The following ADAMTS10 variants were observed in gnomAD, a reference collection of about 807,000 sequenced individuals.
The protein encoded by ADAMTS10 is A disintegrin and metalloproteinase with thrombospondin motifs 10.
In ADAMTS10, 48 loss-of-function variants were observed where a neutral mutation model predicts 135.9. That is an observed-to-expected ratio of 0.35 (90% CI 0.28 to 0.45). ADAMTS10 has a LOEUF of 0.45. ADAMTS10 is among the 20% of genes least tolerant of loss of function. The probability of loss-of-function intolerance (pLI) is 1.00; values close to 1 mark genes in which losing one functional copy is unlikely to be tolerated. For synonymous variants in ADAMTS10, 621 were observed against 647.5 expected (o/e 0.96, Z 0.62); for missense variants, 1,131 against 1,565.2 (o/e 0.72, Z 4.68).
Position 8,603,742 on chromosome 19 carries a change from G to A in ADAMTS10, c.578C>T (p.Ala193Val). ...GACCGATGTACCTCTCACTCCACAG[G>A]CTGTGTCCAGGTGGGGGTGACGCAG... The part of the protein sequence containing the change: ...SSLRHPHLDT[A>V]CGVRDEKPWK... The change falls in exon 5 of 26, where the codon GCC (alanine) becomes GTC (valine). Residue 193 changes from alanine to valine, a missense_variant. Ala to Val is a moderately conservative substitution (Grantham distance 64, BLOSUM62 0). Around this residue, in one of 3 missense-constraint regions of ADAMTS10, gnomAD observed 306 missense variants for 344.4 expected, o/e 0.89. Coordinates refer to ENST00000597188, the MANE Select transcript of ADAMTS10 (RefSeq NM_030957.4). 6.2e-7 allele frequency: 1 copy of A among 1,614,104 alleles called. No homozygotes were observed. Among genetic ancestry groups the A allele is most frequent in the Non-Finnish European group, 8.5e-7 (1 of 1,180,004 alleles).
chr19:8,597,240 C>A lies in ADAMTS10; in HGVS notation c.888G>T (p.Glu296Asp). 6.2e-7 allele frequency: 1 copy of A among 1,614,130 alleles called. No homozygotes were observed. Among genetic ancestry groups the A allele is most frequent in the Non-Finnish European group, 8.5e-7 (1 of 1,180,032 alleles). ...GGGAGGAAGTCCCCCGCACCTGGTCCTCCGTGAGCAGGATGAGGCGAGTTA... is the reference window on the plus strand; with the variant it reads ...GGGAGGAAGTCCCCCGCACCTGGTCATCCGTGAGCAGGATGAGGCGAGTTA... ...ILVTRLILLT[E>D]DQPTLEITHH... The change falls in exon 7 of 26, where the codon GAG (glutamate) becomes GAT (aspartate). Residue 296 changes from glutamate to aspartate, a missense_variant. Physicochemically the swap from Glu to Asp is conservative, Grantham distance 45. Coordinates refer to ENST00000597188, the MANE Select transcript of ADAMTS10 (RefSeq NM_030957.4).
rs1195923380 is a variant in ADAMTS10 at position 8,605,183 on chromosome 19, C to T, written c.264G>A (p.Leu88=). ...GACGGGAGCTGCGGGTCAGGTTCAG[C>T]AGGAAGTGGGTGCTGGGCGAGGCCA... ...YKVASPSTHF[L]LNLTRSSRLL... is the part of the protein sequence containing the mutation. Residue 88 remains leucine (L), a synonymous_variant, in exon 4 of 26, where the codon CTG becomes CTA. Transcript: ENST00000597188. This position sits in a 1 kb window ranked among gnomAD's most constrained non-coding sequence, Gnocchi z 7.7. The T allele has an allele frequency of 1.9e-6, 3 of 1,613,932 alleles. No homozygotes were observed. Among genetic ancestry groups the T allele is most frequent in the African/African-American group, 2.7e-5 (2 of 74,936 alleles).
chr19:8,605,343 C>G lies in ADAMTS10; in HGVS notation c.104G>C (p.Ser35Thr). Residue 35 changes from serine to threonine, a missense_variant, in exon 4 of 26, where the codon AGT (serine) becomes ACT (threonine). This residue lies in a region of ADAMTS10 where 306 missense variants were observed against 344.4 expected (regional missense o/e 0.89). Transcript: ENST00000597188. The surrounding 1 kb of genome is among the most constrained non-coding windows in gnomAD (Gnocchi z 7.7). Reference sequence around the variant, plus strand: ...GAAGGCGATCTCATAGCTCTCCAGACTGGACAGGAACTCATCTGTGGGTGA... The same window carrying G: ...GAAGGCGATCTCATAGCTCTCCAGAGTGGACAGGAACTCATCTGTGGGTGA... ...AFRSQDEFLSSLESYEIAFPT... is the reference protein window; with the variant it reads ...AFRSQDEFLSTLESYEIAFPT... 6.2e-7 allele frequency: 1 copy of G among 1,603,138 alleles called. No individual in the cohort carries two copies. The highest frequency in any genetic ancestry group is 8.5e-7 in the Non-Finnish European group (1 of 1,175,084).
chr19:8,597,429 G>C (rs1555740535), intron 6 of ADAMTS10, 112 bp from the exon 7 acceptor site: 9 of 954,242 alleles, frequency 9.4e-6, no homozygotes, highest in Non-Finnish European at 4.9e-6. Context: ...CTGTGTGTCG[G>C]GTCTTAGGCT....
intron 1 of ADAMTS10, among the ~76,000 whole-genome samples, chr19:8,609,455 G>A (rs2042757076): frequency 6.6e-6 from 1 of 152,044 alleles, no homozygotes; most frequent in South Asian, 2.1e-4. Context: ...AAACCTCTCC[G>A]GCCAGGCTGC....
chr19:8,581,130 CTTTTTTTTTTTTTTTTTT>C, intron 25 of ADAMTS10, 128 bp from the exon 26 acceptor site: 1 of 143,920 alleles, frequency 6.9e-6, no homozygotes, highest in Non-Finnish European at 1.2e-5. Context: ...TTTAAATTTA[CTTTTTTTTTTTTTTTTTT>C]TTTTTTTTTT....
intron 15 of ADAMTS10, 148 bp from the exon 16 acceptor site, chr19:8,590,139 C>G (rs191613811): frequency 1.5e-6 from 1 of 659,688 alleles, no homozygotes; most frequent in Non-Finnish European, 2.7e-6. Flanking sequence ...TGAGACTAGG[C>G]CTGGAAGGTA....
At chr19:8,610,015 A>G (rs1171279919) in intron 1 of ADAMTS10, among the ~76,000 whole-genome samples, 2 of 151,900 alleles carry the variant, frequency 1.3e-5, no homozygotes, top group African/African-American at 2.4e-5. Flanking sequence ...AAACACGCGG[A>G]CACACAAATA....
At chr19:8,602,959 G>GT in intron 5 of ADAMTS10, among the ~76,000 whole-genome samples, 1 of 152,168 alleles carries the variant, frequency 6.6e-6, no homozygotes, top group East Asian at 1.9e-4. Context: ...GATTGTGTTG[G>GT]TAAGTATTTT....
intron 17 of ADAMTS10, 35 bp from the exon 18 acceptor site, chr19:8,589,400 A>AAACCACCCCCCCCCCCCCAACCCCC: frequency 6.2e-7 from 1 of 1,605,388 alleles, no homozygotes; most frequent in Non-Finnish European, 8.5e-7. Context: ...GCGACCCCCT[A>AAACCACCCCCCCCCCCCCAACCCCC]ACCCACCCCC....
In ADAMTS10 at chr19:8,585,237, C is replaced by T. The variant is rs896702293; in HGVS notation, c.2937G>A (p.Thr979=). The change falls in exon 24 of 26, where the codon ACG becomes ACA. Residue 979 remains threonine, a synonymous_variant. Transcript: ENST00000597188. ...CGGGTGAGCAGTGCGCCGGGGGCAG[C>T]GTGGCGCGGTGGTCTGCGCTCTTGC... ...VLCKSADHRA[T]LPPAHCSPAA... is the part of the protein sequence containing the mutation. The T allele has an allele frequency of 7.5e-6, 11 of 1,463,254 alleles. No homozygotes were observed. The East Asian group carries it at 2.3e-4, about 31-fold the overall frequency. The allele number at this position is 1,463,254 out of a possible 1,614,324, so 90.6% of individuals were successfully genotyped here. A position where few individuals can be genotyped will look rare whatever the true frequency, so the allele number is the denominator to read the frequency against.
At chr19:8,606,139 C>A (rs1568408271) in intron 2 of ADAMTS10, among the ~76,000 whole-genome samples, 1 of 152,226 alleles carries the variant, frequency 6.6e-6, no homozygotes, top group Non-Finnish European at 1.5e-5. Context: ...TAGCTCACTG[C>A]AGCCTCCACT....
chr19:8,580,719 A>C lies in ADAMTS10; in HGVS notation c.*174T>G, dbSNP rs1419067564. 7 of 599,008 alleles carry C rather than the reference A, an allele frequency of 1.2e-5. No homozygotes were observed. Among genetic ancestry groups the C allele is most frequent in the African/African-American group, 1.9e-5 (1 of 53,590 alleles). 37.1% of individuals were successfully genotyped at this position (599,008 alleles called of 1,614,324 possible). A position where few individuals can be genotyped will look rare whatever the true frequency, so the allele number is the denominator to read the frequency against. On this transcript the variant is annotated 3_prime_UTR_variant, in exon 26 of 26. Coordinates refer to ENST00000597188, the MANE Select transcript of ADAMTS10 (RefSeq NM_030957.4). Reference sequence around the variant, plus strand: ...GAAGAGGGGCTCTGGGGGGATAGCCAGCCCCTCTCCATCCCCCCAGCCAGG... The same window carrying C: ...GAAGAGGGGCTCTGGGGGGATAGCCCGCCCCTCTCCATCCCCCCAGCCAGG...
chr19:8,589,202 C>A (rs782683261), intron 18 of ADAMTS10, 40 bp downstream of exon 18: 48 of 1,610,842 alleles, frequency 3.0e-5, no homozygotes, highest in Non-Finnish European at 4.0e-5. Context: ...AGTCAGCTGG[C>A]CCATGCAGGG....
chr19:8,581,137 T>C, intron 25 of ADAMTS10, 135 bp from the exon 26 acceptor site: 1 of 188,478 alleles, frequency 5.3e-6, no homozygotes, highest in South Asian at 1.0e-4. Flanking sequence ...TTACTTTTTT[T>C]TTTTTTTTTT....
intron 24 of ADAMTS10, 30 bp from the exon 25 acceptor site, chr19:8,585,084 C>CTGG: frequency 6.7e-7 from 1 of 1,502,838 alleles, no homozygotes; most frequent in Non-Finnish European, 8.9e-7. Context: ...AGTTGCTGCC[C>CTGG]CGCAGCCCCT....
intron 6 of ADAMTS10, among the ~76,000 whole-genome samples, chr19:8,599,164 C>T (rs1398734990): frequency 2.6e-5 from 4 of 151,972 alleles, no homozygotes; most frequent in East Asian, 1.9e-4. Context: ...TCAAGAATCT[C>T]GCCTGAGATC....
rs1555737117 is a variant in ADAMTS10, at chr19:8,586,219, G to T, written c.2563C>A (p.Gln855Lys). ...GGGGCGACCGCGGAGCTGTCCAGCT[G>T]GTTGCGGCACTCCACCGCCTGCACC... Reference protein sequence around the residue: ...SQVQAVECRNQLDSSAVAPHY... With the variant: ...SQVQAVECRNKLDSSAVAPHY... The change falls in exon 22 of 26, where the codon CAG becomes AAG. Residue 855 changes from glutamine (Q) to lysine (K), a missense_variant. Gln to Lys is a moderately conservative substitution (Grantham distance 53, BLOSUM62 1). Coordinates refer to ENST00000597188, the MANE Select transcript of ADAMTS10 (RefSeq NM_030957.4). 1.9e-6 allele frequency: 3 copies of T among 1,613,074 alleles called. No individual in the cohort carries two copies. In the Admixed American group the frequency reaches 5.0e-5, roughly 27 times the overall value.
chr19:8,585,276 G>C lies in ADAMTS10; in HGVS notation c.2898C>G (p.His966Gln). The change falls in exon 24 of 26, where the codon CAC becomes CAG. Residue 966 changes from histidine (H) to glutamine (Q), a missense_variant. By Grantham distance (24) the His-to-Gln change is conservative. Transcript: ENST00000597188. ...CTPSCGPGLR[H>Q]RVVLCKSADH... is the part of the protein sequence containing the mutation. ...CTGCGCTCTTGCAAAGGACCACGCGGTGGCGGAGGCCCGGCCCGCAGCTGG... is the reference window on the plus strand; with the variant it reads ...CTGCGCTCTTGCAAAGGACCACGCGCTGGCGGAGGCCCGGCCCGCAGCTGG... 6.6e-7 allele frequency: 1 copy of C among 1,513,550 alleles called. No homozygotes were observed. The highest frequency in any genetic ancestry group is 8.8e-7 in the Non-Finnish European group (1 of 1,130,166). 93.8% of individuals were successfully genotyped at this position (1,513,550 alleles called of 1,614,324 possible). A position where few individuals can be genotyped will look rare whatever the true frequency, so the allele number is the denominator to read the frequency against.
Sources: gnomAD v4.1 joint callset for allele counts (sites outside exome capture counted in the v4.1 genomes callset) on GRCh38, gnomAD v4.1.1 for gene constraint, gnomAD v4.1.1 regional missense constraint, Gnocchi (gnomAD v3.1) non-coding constraint, MANE v1.5 for transcripts, NCBI Gene and HGNC (gene_info 2026-07-23, HGNC 2026-07-21) for gene names.